Variants in CHIC1 observed in about 807,000 individuals in gnomAD.
CHIC1 encodes cysteine rich hydrophobic domain 1, also known as cysteine-rich hydrophobic domain-containing protein 1.
A neutral mutation model predicts 18.5 loss-of-function variants in CHIC1; 7 were observed. The observed-to-expected ratio is 0.38, with a 90% CI of 0.22 to 0.71. The LOEUF (loss-of-function observed/expected upper bound fraction) is 0.71, where lower values mean the gene tolerates loss of function less well. CHIC1 is among the 30% of genes least tolerant of loss of function. The pLI is 0.49. For missense variants in CHIC1, 159 were observed against 176.9 expected (o/e 0.90, Z 0.57); for synonymous variants, 77 against 73.5 (o/e 1.05, Z -0.25).
chrX:73,665,985 T>C (rs2058002679), intron 3 of CHIC1, among the ~76,000 whole-genome samples: 1 of 111,844 alleles, frequency 8.9e-6, no homozygotes, highest in African/African-American at 3.2e-5. Flanking sequence ...AAACAAATGA[T>C]TAAAGGCCAG....
intron 3 of CHIC1, among the ~76,000 whole-genome samples, chrX:73,595,745 G>A (rs757615051): frequency 5.4e-5 from 6 of 110,990 alleles, no homozygotes; most frequent in South Asian, 3.8e-4. Context: ...TTGAGGAATC[G>A]CCACATTGTC....
At chrX:73,574,758 A>G (rs1278691084) in intron 1 of CHIC1, among the ~76,000 whole-genome samples, 2 of 110,426 alleles carry the variant, frequency 1.8e-5, no homozygotes, top group Non-Finnish European at 3.8e-5. Flanking sequence ...TTTATGTGGG[A>G]TAGGTTGTAA....
rs182795348 is a variant in CHIC1, at chrX:73,637,975, G to A, written c.508-41351G>A. 2.7e-5 allele frequency among the ~76,000 whole-genome samples: 3 copies of A among 110,832 alleles called. No homozygotes were observed. In the East Asian group the frequency reaches 8.5e-4, roughly 32 times the overall value. On this transcript the variant is annotated intron_variant, in intron 3 of 5. Coordinates refer to ENST00000373502, the MANE Select transcript of CHIC1 (RefSeq NM_001039840.4). ...CTGGGAATTTGAAAAAACCTCATCT[G>A]CCAATCTTTGCAGACTGGCTCTGTT...
At chrX:73,642,802 C>G (rs1271129423) in intron 3 of CHIC1, among the ~76,000 whole-genome samples, 3 of 108,146 alleles carry the variant, frequency 2.8e-5, no homozygotes, top group Non-Finnish European at 5.8e-5. Flanking sequence ...GCTTGTTTTT[C>G]TCAGGTTTGT....
intron 3 of CHIC1, among the ~76,000 whole-genome samples, chrX:73,655,080 CCA>C (rs1435096505): frequency 9.1e-6 from 1 of 109,700 alleles, no homozygotes; most frequent in African/African-American, 3.3e-5. Flanking sequence ...CTGACAAGCC[CCA>C]GTGTGTTGTT....
intron 2 of CHIC1, among the ~76,000 whole-genome samples, chrX:73,580,515 C>T (rs1201640270): frequency 9.0e-6 from 1 of 110,865 alleles, no homozygotes. Flanking sequence ...GTAACATTAG[C>T]TTTATTCATT....
chrX:73,678,621 CTTTTA>C (rs901894613), intron 3 of CHIC1, among the ~76,000 whole-genome samples: 5 of 112,266 alleles, frequency 4.5e-5, no homozygotes, highest in African/African-American at 1.3e-4. Context: ...TAGGTTTCAT[CTTTTA>C]TTTTAATGTT....
intron 3 of CHIC1, among the ~76,000 whole-genome samples, chrX:73,659,370 C>CTTTTTTTTTT (rs149705423): frequency 2.8e-4 from 10 of 35,186 alleles, no homozygotes; most frequent in African/African-American, 6.7e-4. Flanking sequence ...TTCCCCTTTT[C>CTTTTTTTTTT]TTTTTTTTTT....
In CHIC1 at chrX:73,658,248, G is replaced by GTTTTTTTTTTTTT; in HGVS notation, c.508-21059_508-21047dup. Among the ~76,000 whole-genome samples, 4 of 16,715 alleles carry GTTTTTTTTTTTTT rather than the reference G, an allele frequency of 2.4e-4. 1 individual carries two copies. Among genetic ancestry groups the GTTTTTTTTTTTTT allele is most frequent in the South Asian group, 0.031 (2 of 65 alleles). 14.5% of individuals were successfully genotyped at this position (16,715 alleles called of 115,157 possible). A position where few individuals can be genotyped will look rare whatever the true frequency, so the allele number is the denominator to read the frequency against. ...ATTCAGCTGTGAATCCTGGTCCTAG[G>GTTTTTTTTTTTTT]TTTTTTTTTTTTTTTTTTTTTTTTT... On this transcript the variant is annotated intron_variant, in intron 3 of 5. Transcript: ENST00000373502.
intron 3 of CHIC1, among the ~76,000 whole-genome samples, chrX:73,603,648 A>T (rs1314314054): frequency 3.7e-5 from 4 of 108,512 alleles, no homozygotes; most frequent in African/African-American, 1.4e-4. Context: ...TGTCATAAAT[A>T]GCTCTTATTA....
intron 3 of CHIC1, among the ~76,000 whole-genome samples, chrX:73,608,482 C>T (rs754041484): frequency 5.6e-5 from 6 of 107,907 alleles, no homozygotes; most frequent in African/African-American, 1.1e-4. Flanking sequence ...GTACATTTTT[C>T]GGGGGTAGTA....
intron 1 of CHIC1, among the ~76,000 whole-genome samples, chrX:73,565,374 G>C (rs2057440257): frequency 2.7e-5 from 3 of 111,842 alleles, no homozygotes; most frequent in Non-Finnish European, 5.6e-5. Context: ...CCCTGCACAG[G>C]TACTTACCAA....
chrX:73,582,794 A>G (rs776245486), intron 2 of CHIC1, among the ~76,000 whole-genome samples: 1 of 110,725 alleles, frequency 9.0e-6, no homozygotes, highest in African/African-American at 3.3e-5. Flanking sequence ...TCGGTGGGAA[A>G]CTGAAACTCA....
At chrX:73,679,816 A>G in intron 5 of CHIC1, 103 bp downstream of exon 5, 1 of 421,162 alleles carries the variant, frequency 2.4e-6, no homozygotes. Flanking sequence ...CTCCTCAGCC[A>G]GAACTTTTGT....
chrX:73,613,089 G>A (rs1393935739), intron 3 of CHIC1, among the ~76,000 whole-genome samples: 2 of 111,703 alleles, frequency 1.8e-5, no homozygotes, highest in African/African-American at 6.5e-5. Context: ...TCATTTTACT[G>A]TTTTTTCTTA....
At chrX:73,679,288 A>G in intron 3 of CHIC1, 38 bp from the exon 4 acceptor site, 3 of 924,184 alleles carry the variant, frequency 3.2e-6, no homozygotes, top group Non-Finnish European at 4.7e-6. Context: ...AAAGCTCTTC[A>G]GGTCATCTTG....
intron 3 of CHIC1, among the ~76,000 whole-genome samples, chrX:73,675,468 C>G (rs1190484815): frequency 8.9e-6 from 1 of 111,844 alleles, no homozygotes; most frequent in Admixed American, 9.5e-5. Context: ...TTGAATTGAT[C>G]CCTTTCCCAT....
At chrX:73,618,139 G>A (rs1244002820) in intron 3 of CHIC1, among the ~76,000 whole-genome samples, 1 of 111,692 alleles carries the variant, frequency 9.0e-6, no homozygotes, top group African/African-American at 3.3e-5. Flanking sequence ...ACTGTCTTCA[G>A]GTCTCTCCGC....
chrX:73,673,152 C>T (rs897235187), intron 3 of CHIC1, among the ~76,000 whole-genome samples: 9 of 111,792 alleles, frequency 8.1e-5, no homozygotes, highest in African/African-American at 2.9e-4. Context: ...TTACTGTAGC[C>T]TTGTAGTATA....
Sources: gnomAD v4.1 joint callset for allele counts (sites outside exome capture counted in the v4.1 genomes callset) on GRCh38, gnomAD v4.1.1 for gene constraint, MANE v1.5 for transcripts, NCBI Gene and HGNC (gene_info 2026-07-23, HGNC 2026-07-21) for gene names.